SLC1A1: variants seen among roughly 807,000 people sequenced by gnomAD.
SLC1A1 encodes the protein solute carrier family 1 member 1.
SLC1A1 carries 43 observed loss-of-function variants against 53.3 expected under a neutral mutation model. The observed-to-expected ratio is 0.81, with a 90% CI of 0.63 to 1.04. SLC1A1 has a LOEUF of 1.04. Among genes scored for constraint, SLC1A1 ranks in the 50% least tolerant of loss-of-function variants. The pLI is 0.00. For missense variants in SLC1A1, 748 were observed against 664.9 expected (o/e 1.12, Z -1.37); for synonymous variants, 307 against 243.2 (o/e 1.26, Z -2.44).
rs1423949414 is a variant in SLC1A1, at chr9:4,583,882, T to TCTCTCTCACA, written c.1328+711_1328+712insTCTCTCACAC. 1.5e-4 allele frequency among the ~76,000 whole-genome samples: 20 copies of TCTCTCTCACA among 137,040 alleles called. No individual in the cohort carries two copies. Among genetic ancestry groups the TCTCTCTCACA allele is most frequent in the Admixed American group, 6.5e-4 (9 of 13,922 alleles). The allele number at this position is 137,040 out of a possible 152,430, so 89.9% of individuals were successfully genotyped here. A position where few individuals can be genotyped will look rare whatever the true frequency, so the allele number is the denominator to read the frequency against. On this transcript the variant is annotated intron_variant, in intron 11 of 11. Coordinates refer to ENST00000262352, the MANE Select transcript of SLC1A1 (RefSeq NM_004170.6). The surrounding 1 kb of genome is among the most constrained non-coding windows in gnomAD (Gnocchi z 4.6). ...CTCTCTCTCTCTCTCTCTCTCTCTC[T>TCTCTCTCACA]CACACACACACACACACACACACAC...
chr9:4,502,788 G>C (rs991625046), intron 1 of SLC1A1, among the ~76,000 whole-genome samples: 3 of 151,718 alleles, frequency 2.0e-5, no homozygotes, highest in Non-Finnish European at 4.4e-5. Flanking sequence ...TTGGAGACAG[G>C]CTTCTTTCTT....
At chr9:4,504,659 G>C (rs964514047) in intron 1 of SLC1A1, among the ~76,000 whole-genome samples, 9 of 152,198 alleles carry the variant, frequency 5.9e-5, no homozygotes, top group Admixed American at 3.9e-4. Context: ...AGATCTTGTT[G>C]TCATAAAACA....
At position 4,587,328 on chromosome 9, in the gene SLC1A1, C is replaced by T. The variant is rs1431690659; in HGVS notation, c.*1770C>T. Reference sequence around the variant, plus strand: ...CTTACTAGGTTGCCCCAATTAGTGGCACTAGTTGGCAGAGCTGTTCATGAG... The same window carrying T: ...CTTACTAGGTTGCCCCAATTAGTGGTACTAGTTGGCAGAGCTGTTCATGAG... On this transcript the variant is annotated 3_prime_UTR_variant, in exon 12 of 12. Transcript: ENST00000262352. The T allele has an allele frequency of 6.6e-6, 1 of 152,274 alleles. No individual in the cohort carries two copies. The highest frequency in any genetic ancestry group is 1.9e-4 in the East Asian group (1 of 5,188). 9.4% of individuals were successfully genotyped at this position (152,274 alleles called of 1,614,324 possible). A position where few individuals can be genotyped will look rare whatever the true frequency, so the allele number is the denominator to read the frequency against.
In SLC1A1 at chr9:4,583,251, C is replaced by T; in HGVS notation, c.1328+79C>T. On this transcript the variant is annotated intron_variant, in intron 11 of 11. Coordinates refer to ENST00000262352, the MANE Select transcript of SLC1A1 (RefSeq NM_004170.6). The surrounding 1 kb of genome is among the most constrained non-coding windows in gnomAD (Gnocchi z 4.6). Reference sequence around the variant, plus strand: ...CCTCGCAGGCGCTGCAGTCTGTCATCATTCTCTCCTCAGATTGCCTAATGA... The same window carrying T: ...CCTCGCAGGCGCTGCAGTCTGTCATTATTCTCTCCTCAGATTGCCTAATGA... 1.3e-6 allele frequency: 2 copies of T among 1,571,532 alleles called. No homozygotes were observed. Among genetic ancestry groups the T allele is most frequent in the Admixed American group, 1.7e-5 (1 of 59,962 alleles).
chr9:4,557,180 G>C (rs1430165428), intron 2 of SLC1A1, among the ~76,000 whole-genome samples: 1 of 152,168 alleles, frequency 6.6e-6, no homozygotes, highest in Non-Finnish European at 1.5e-5. Flanking sequence ...AAAGCTTCAA[G>C]TACAAACATT....
At chr9:4,555,494 G>A (rs1818288558) in intron 2 of SLC1A1, among the ~76,000 whole-genome samples, 1 of 152,202 alleles carries the variant, frequency 6.6e-6, no homozygotes, top group Non-Finnish European at 1.5e-5. Context: ...AAAAAGTTCA[G>A]ATGATTACTG....
At chr9:4,496,620 C>A in intron 1 of SLC1A1, among the ~76,000 whole-genome samples, 1 of 151,886 alleles carries the variant, frequency 6.6e-6, no homozygotes, top group Non-Finnish European at 1.5e-5. Context: ...TGCAGCTGAG[C>A]ATGGTGACTC....
rs142938908 is a variant in SLC1A1 at position 4,585,498 on chromosome 9, T to C, written c.1515T>C (p.Asn505=). The change falls in exon 12 of 12, where the codon AAT becomes AAC. Residue 505 remains asparagine, a synonymous_variant. Coordinates refer to ENST00000262352, the MANE Select transcript of SLC1A1 (RefSeq NM_004170.6). The part of the protein sequence containing the change: ...EDSDTKKSYV[N]GGFAVDKSDT... The stretch of plus-strand genomic sequence containing the variant: ...CAGACACCAAGAAGTCTTATGTCAA[T>C]GGAGGCTTTGCAGTAGACAAGTCTG... 1,032 of 1,614,216 alleles carry C rather than the reference T, an allele frequency of 6.4e-4. 13 individuals are homozygous for C. The African/African-American group carries it at 0.012, about 20-fold the overall frequency.
At chr9:4,535,547 T>G (rs1033844936) in intron 1 of SLC1A1, among the ~76,000 whole-genome samples, 5 of 151,930 alleles carry the variant, frequency 3.3e-5, no homozygotes, top group African/African-American at 9.7e-5. Flanking sequence ...CACTGCTCAA[T>G]GAAATAAAAG....
At chr9:4,535,935 A>C (rs201233083) in intron 1 of SLC1A1, among the ~76,000 whole-genome samples, 17 of 152,254 alleles carry the variant, frequency 1.1e-4, no homozygotes, top group South Asian at 1.0e-3. Context: ...CAAAAACAAG[A>C]AATGGGGAAA....
intron 4 of SLC1A1, among the ~76,000 whole-genome samples, chr9:4,565,679 AT>A (rs1234845312): frequency 6.6e-6 from 1 of 152,128 alleles, no homozygotes; most frequent in Admixed American, 6.6e-5. Context: ...TTGACATGAG[AT>A]TTGGGTGGGG....
intron 2 of SLC1A1, among the ~76,000 whole-genome samples, chr9:4,548,536 C>T (rs1817670553): frequency 6.6e-6 from 1 of 152,104 alleles, no homozygotes; most frequent in Non-Finnish European, 1.5e-5. Flanking sequence ...CCATCAAAGC[C>T]TCTGGTGAGA....
At position 4,583,754 on chromosome 9, in the gene SLC1A1, C is replaced by G. The variant is rs751990913; in HGVS notation, c.1328+582C>G. Among the ~76,000 whole-genome samples, 2 of 152,064 alleles carry G rather than the reference C, an allele frequency of 1.3e-5. No homozygotes were observed. Among genetic ancestry groups the G allele is most frequent in the African/African-American group, 4.8e-5 (2 of 41,376 alleles). On this transcript the variant is annotated intron_variant, in intron 11 of 11. Transcript: ENST00000262352. The surrounding 1 kb of genome is among the most constrained non-coding windows in gnomAD (Gnocchi z 4.6). ...GAGTGAGCTCATGTGAGTGGAGCATCTAGAACAGCGTTTGGCAGCCCATAC... is the reference window on the plus strand; with the variant it reads ...GAGTGAGCTCATGTGAGTGGAGCATGTAGAACAGCGTTTGGCAGCCCATAC...
At chr9:4,585,171 C>A (rs758076893) in intron 11 of SLC1A1, 141 bp from the exon 12 acceptor site, 19 of 1,084,790 alleles carry the variant, frequency 1.8e-5, no homozygotes, top group Middle Eastern at 3.0e-4. Flanking sequence ...CTGTGAGGAG[C>A]CTTCAGTCAG....
chr9:4,497,500 T>C (rs1332319594), intron 1 of SLC1A1, among the ~76,000 whole-genome samples: 1 of 152,226 alleles, frequency 6.6e-6, no homozygotes, highest in Non-Finnish European at 1.5e-5. Context: ...TTTGTTGAAT[T>C]GCTGAGCCAT....
At chr9:4,530,488 T>C (rs75822137) in intron 1 of SLC1A1, among the ~76,000 whole-genome samples, 7,416 of 152,238 alleles carry the variant, frequency 0.049, 630 homozygotes, top group African/African-American at 0.17. Flanking sequence ...CAGAGAAAAC[T>C]AGTTTTTCCT....
chr9:4,555,751 T>C (rs931075105), intron 2 of SLC1A1, among the ~76,000 whole-genome samples: 5 of 152,184 alleles, frequency 3.3e-5, no homozygotes, highest in Non-Finnish European at 7.4e-5. Flanking sequence ...AGGTGCCACC[T>C]GTTCCATCAA....
Position 4,498,807 on chromosome 9 carries a change from A to T in SLC1A1, c.91+8037A>T, listed in dbSNP as rs191493506. Among the ~76,000 whole-genome samples the T allele has an allele frequency of 3.0e-3, 443 of 149,684 alleles. 1 individual carries two copies. Among genetic ancestry groups the T allele is most frequent in the African/African-American group, 0.01 (423 of 40,786 alleles). On this transcript the variant is annotated intron_variant, in intron 1 of 11. Transcript: ENST00000262352. Reference sequence around the variant, plus strand: ...AGTGAGTTAAGTTCATCTGCAAAAAAATATATATATATGTGTGTGTGTGTG... The same window carrying T: ...AGTGAGTTAAGTTCATCTGCAAAAATATATATATATATGTGTGTGTGTGTG...
At chr9:4,513,538 A>T (rs536831203) in intron 1 of SLC1A1, among the ~76,000 whole-genome samples, 62 of 152,352 alleles carry the variant, frequency 4.1e-4, no homozygotes, top group African/African-American at 1.4e-3. Context: ...GGCTAAAAAA[A>T]AATACAACAC....
Sources: allele counts gnomAD v4.1 joint callset (sites outside exome capture counted in the v4.1 genomes callset), GRCh38; gene constraint gnomAD v4.1.1; non-coding constraint Gnocchi (gnomAD v3.1); transcripts MANE v1.5; gene names NCBI Gene and HGNC (gene_info 2026-07-23, HGNC 2026-07-21).